Variants in L3MBTL1 observed in about 807,000 individuals in gnomAD.
L3MBTL1 encodes the protein lethal(3)malignant brain tumor-like protein 1.
Under a neutral mutation model 105.3 loss-of-function variants are expected in L3MBTL1, and 75 were observed. The ratio of observed to expected loss-of-function variants is 0.71; its 90% CI spans 0.59 to 0.86. The LOEUF (loss-of-function observed/expected upper bound fraction) is 0.86. Ranked by LOEUF, L3MBTL1 falls within the 40% of genes least tolerant of loss-of-function variation. The pLI is 0.00. For synonymous variants in L3MBTL1, 452 were observed against 436.2 expected (o/e 1.04, Z -0.45); for missense variants, 1,069 against 1,126.4 (o/e 0.95, Z 0.73).
intron 7 of L3MBTL1, among the ~76,000 whole-genome samples, chr20:43,518,288 G>T (rs1211968118): frequency 6.6e-6 from 1 of 151,974 alleles, no homozygotes; most frequent in East Asian, 1.9e-4. Flanking sequence ...GGTTGGGATT[G>T]CTTGAGTTTC....
At chr20:43,539,233 G>A (rs1334982103) in intron 19 of L3MBTL1, 2 of 152,422 alleles carry the variant, frequency 1.3e-5, no homozygotes, top group Non-Finnish European at 2.9e-5. Flanking sequence ...ATGAGCATCT[G>A]GAATTAGCAC....
At chr20:43,526,142 T>G (rs1487764554) in intron 7 of L3MBTL1, among the ~76,000 whole-genome samples, 4 of 152,108 alleles carry the variant, frequency 2.6e-5, no homozygotes, top group Admixed American at 2.6e-4. Flanking sequence ...AAGCTGAGAA[T>G]TGAAGCACCA....
chr20:43,507,883 G>T (rs1400570603), intron 1 of L3MBTL1, 139 bp downstream of exon 1: 1 of 152,390 alleles, frequency 6.6e-6, no homozygotes, highest in East Asian at 1.9e-4. Context: ...GGGGGGCGCG[G>T]GCTGGGGAGG....
At chr20:43,514,522 G>T in intron 3 of L3MBTL1, 113 bp from the exon 4 acceptor site, 1 of 1,563,986 alleles carries the variant, frequency 6.4e-7, no homozygotes, top group East Asian at 2.4e-5. Context: ...GAGTCTTGAG[G>T]CCTGCTGAGG....
At chr20:43,508,440 C>T (rs1373005918) in intron 1 of L3MBTL1, among the ~76,000 whole-genome samples, 1 of 152,196 alleles carries the variant, frequency 6.6e-6, no homozygotes, top group East Asian at 1.9e-4. Context: ...AAGTTTGTAG[C>T]GCTCAGCCTT....
intron 12 of L3MBTL1, 130 bp from the exon 13 acceptor site, chr20:43,533,212 T>C: frequency 1.2e-6 from 1 of 812,730 alleles, no homozygotes; most frequent in Admixed American, 2.9e-5. Context: ...ATTTTCTAAC[T>C]TTGTCCTTGC....
intron 7 of L3MBTL1, 113 bp downstream of exon 7, chr20:43,516,290 A>T: frequency 1.3e-6 from 1 of 750,318 alleles, no homozygotes; most frequent in Non-Finnish European, 2.3e-6. Flanking sequence ...TGCATAAATG[A>T]GCATGAGTTA....
intron 7 of L3MBTL1, among the ~76,000 whole-genome samples, chr20:43,525,331 G>A (rs2018972906): frequency 1.3e-5 from 2 of 152,122 alleles, no homozygotes; most frequent in Admixed American, 6.6e-5. Flanking sequence ...AAACAAAGGA[G>A]CATTTCTGGA....
In L3MBTL1 at chr20:43,536,203, C is replaced by A; in HGVS notation, c.2032C>A (p.Leu678Met). 1.2e-6 allele frequency: 2 copies of A among 1,613,068 alleles called. No individual in the cohort carries two copies. Among genetic ancestry groups the A allele is most frequent in the Non-Finnish European group, 1.7e-6 (2 of 1,179,808 alleles). ...ACTGGCTGAGAGGAACCAGAGCCGGCTGAAAGCGGAGCTGTCTGACTCGGA... is the reference window on the plus strand; with the variant it reads ...ACTGGCTGAGAGGAACCAGAGCCGGATGAAAGCGGAGCTGTCTGACTCGGA... ...CPLAERNQSR[L>M]KAELSDSEAS... Residue 678 changes from leucine (L) to methionine (M), a missense_variant, in exon 18 of 22, where the codon CTG becomes ATG. Physicochemically the swap from Leu to Met is conservative, Grantham distance 15. Coordinates refer to ENST00000418998, the MANE Select transcript of L3MBTL1 (RefSeq NM_001377303.1).
At chr20:43,528,097 T>C (rs997834737) in intron 7 of L3MBTL1, among the ~76,000 whole-genome samples, 5 of 152,182 alleles carry the variant, frequency 3.3e-5, no homozygotes, top group African/African-American at 4.8e-5. Flanking sequence ...TTCACCATGT[T>C]GGCCAGGCTG....
intron 13 of L3MBTL1, among the ~76,000 whole-genome samples, chr20:43,533,758 G>GC (rs2019462423): frequency 6.6e-6 from 1 of 152,190 alleles, no homozygotes; most frequent in Admixed American, 6.5e-5. Flanking sequence ...TGGGGTGGGA[G>GC]CAACAGGCCA....
In L3MBTL1 at chr20:43,536,265, C is replaced by A. The variant is rs746862189; in HGVS notation, c.2094C>A (p.Ser698=). The part of the protein sequence containing the change: ...SARKKNLSGF[S]PRKKPRHHGR... ...GCAAGAAGAACCTCTCAGGCTTCTC[C>A]CCAAGGAAGAAGCCTCGCCATCACG... Residue 698 remains serine (S), a synonymous_variant, in exon 18 of 22, where the codon TCC becomes TCA. Transcript: ENST00000418998. 5 of 1,612,264 alleles carry A rather than the reference C, an allele frequency of 3.1e-6. No homozygotes were observed. The South Asian group carries it at 5.5e-5, about 18-fold the overall frequency.
intron 7 of L3MBTL1, among the ~76,000 whole-genome samples, chr20:43,521,968 G>T (rs1407903091): frequency 2.6e-5 from 4 of 152,194 alleles, no homozygotes; most frequent in African/African-American, 9.6e-5. Context: ...TATCATAAGA[G>T]ATTTTCTTCA....
chr20:43,513,415 C>T, intron 1 of L3MBTL1, 61 bp from the exon 2 acceptor site: 1 of 1,476,084 alleles, frequency 6.8e-7, no homozygotes, highest in Non-Finnish European at 9.1e-7. Flanking sequence ...CTTCACATCT[C>T]CATTGCTGCT....
chr20:43,514,442 C>G (rs1277702461), intron 3 of L3MBTL1, 193 bp from the exon 4 acceptor site: 2 of 1,484,414 alleles, frequency 1.3e-6, no homozygotes, highest in African/African-American at 2.8e-5. Flanking sequence ...CTGGACCCCG[C>G]AGGTGCTTGG....
chr20:43,524,691 G>T (rs941161394), intron 7 of L3MBTL1, among the ~76,000 whole-genome samples: 1 of 151,890 alleles, frequency 6.6e-6, no homozygotes. Flanking sequence ...CTTGTGCTAG[G>T]TGCTGGAACT....
At chr20:43,532,317 G>A (rs929320715) in intron 11 of L3MBTL1, 1 of 158,120 alleles carries the variant, frequency 6.3e-6, no homozygotes, top group African/African-American at 2.4e-5. Flanking sequence ...AAGGTCCAAG[G>A]AGGTGATGTC....
intron 9 of L3MBTL1, 99 bp downstream of exon 9, chr20:43,529,467 A>G: frequency 2.5e-6 from 2 of 815,482 alleles, no homozygotes; most frequent in Non-Finnish European, 4.1e-6. Context: ...CTCCCCTCAG[A>G]GCACACACAA....
At chr20:43,542,102 C>T (rs867341556), downstream of L3MBTL1, among the ~76,000 whole-genome samples, 1 of 152,094 alleles carries the variant, frequency 6.6e-6, no homozygotes, top group African/African-American at 2.4e-5. Context: ...CCCAGCTACT[C>T]GGGAGGCTGA....
Sources: gnomAD v4.1 joint callset for allele counts (sites outside exome capture counted in the v4.1 genomes callset) on GRCh38, gnomAD v4.1.1 for gene constraint, MANE v1.5 for transcripts, NCBI Gene and HGNC (gene_info 2026-07-23, HGNC 2026-07-21) for gene names.